The following MUL1 variants were observed in gnomAD, a reference collection of about 807,000 sequenced individuals.
MUL1 encodes the protein mitochondrial E3 ubiquitin protein ligase 1.
In MUL1, 30 loss-of-function variants were observed where a neutral mutation model predicts 34.1. That is an observed-to-expected ratio of 0.88 (90% CI 0.66 to 1.19). The LOEUF (loss-of-function observed/expected upper bound fraction) is 1.19. MUL1 is among the 50% of genes most tolerant of loss of function. The probability of loss-of-function intolerance (pLI) is 0.00; values close to 1 mark genes in which losing one functional copy is unlikely to be tolerated. For missense variants in MUL1, 419 were observed against 450.5 expected, an observed-to-expected ratio of 0.93 and a Z score of 0.63; for synonymous variants, 191 against 187.8, an observed-to-expected ratio of 1.02 and a Z score of -0.14.
chr1:20,506,993 C>G (rs1488919390), intron 1 of MUL1, among the ~76,000 whole-genome samples: 3 of 151,608 alleles, frequency 2.0e-5, no homozygotes, highest in East Asian at 3.9e-4. Flanking sequence ...TTCGGAGAGC[C>G]GAGGCGGGGA....
chr1:20,502,672 T>C (rs1162540728), intron 2 of MUL1, among the ~76,000 whole-genome samples: 1 of 152,112 alleles, frequency 6.6e-6, no homozygotes, highest in African/African-American at 2.4e-5. Context: ...TAGCTGGGAT[T>C]ACGGGTATGT....
intron 1 of MUL1, 29 bp downstream of exon 1, chr1:20,507,876 G>A: frequency 6.3e-7 from 1 of 1,590,952 alleles, no homozygotes; most frequent in Non-Finnish European, 8.6e-7. Flanking sequence ...AGATGACCCG[G>A]CTGAGGCCAG....
Position 20,500,542 on chromosome 1 carries a change from G to T in MUL1, c.*148C>A. On this transcript the variant is annotated 3_prime_UTR_variant, in exon 4 of 4. Transcript: ENST00000264198. Reference sequence around the variant, plus strand: ...CAGCATCCTGCCATTGGAGGCATGGGTCTGGAGAGTTTCTACCCAATTCCT... The same window carrying T: ...CAGCATCCTGCCATTGGAGGCATGGTTCTGGAGAGTTTCTACCCAATTCCT... 2 of 1,070,848 alleles carry T rather than the reference G, an allele frequency of 1.9e-6. No individual in the cohort carries two copies. Among genetic ancestry groups the T allele is most frequent in the Non-Finnish European group, 2.7e-6 (2 of 750,966 alleles). 66.3% of individuals were successfully genotyped at this position (1,070,848 alleles called of 1,614,324 possible). A position where few individuals can be genotyped will look rare whatever the true frequency, so the allele number is the denominator to read the frequency against.
chr1:20,501,557 GCCT>G lies in MUL1; in HGVS notation c.330-141_330-139del. The G allele has an allele frequency of 6.1e-6, 6 of 987,108 alleles. No individual in the cohort carries two copies. Among genetic ancestry groups the G allele is most frequent in the Non-Finnish European group, 8.8e-6 (6 of 685,616 alleles). 61.1% of individuals were successfully genotyped at this position (987,108 alleles called of 1,614,324 possible). ...GACAGTAAGATCACTATCTCCAGTTGCCTCCTAACAAGGAGGCTCCATTTGTAG... is the reference window on the plus strand; with the variant it reads ...GACAGTAAGATCACTATCTCCAGTTGCCTAACAAGGAGGCTCCATTTGTAG... On this transcript the variant is annotated intron_variant, in intron 3 of 3. Coordinates refer to ENST00000264198, the MANE Select transcript of MUL1 (RefSeq NM_024544.3). The surrounding 1 kb of genome is among the most constrained non-coding windows in gnomAD (Gnocchi z 4.2).
chr1:20,506,646 T>C (rs1343574314), intron 1 of MUL1, among the ~76,000 whole-genome samples: 2 of 151,760 alleles, frequency 1.3e-5, no homozygotes, highest in South Asian at 2.1e-4. Context: ...AGTCAGGAGT[T>C]GGAGACCAGC....
rs2051737004 is a variant in MUL1 at position 20,508,110 on chromosome 1, G to T, written c.-86C>A. On this transcript the variant is annotated 5_prime_UTR_variant, in exon 1 of 4. Transcript: ENST00000264198. ...TCTCCACCTCCTTCCGACCAGGACC[G>T]CACCCCCCCGGCCTAACCTGACCGG... The T allele has an allele frequency of 6.6e-7, 1 of 1,506,784 alleles. No homozygotes were observed. The highest frequency in any genetic ancestry group is 1.4e-5 in the African/African-American group (1 of 72,722). 93.3% of individuals were successfully genotyped at this position (1,506,784 alleles called of 1,614,324 possible).
At position 20,501,416 on chromosome 1, in the gene MUL1, A is replaced by G; in HGVS notation, c.333T>C (p.Asn111=). Reference sequence around the variant, plus strand: ...TCTGATGAATGATCTTTGAGCAATCATTCCTAGAAGAATAAGAGAACTAAA... The same window carrying G: ...TCTGATGAATGATCTTTGAGCAATCGTTCCTAGAAGAATAAGAGAACTAAA... ...MVWNRTTHLW[N]DCSKIIHQRT... The change falls in exon 4 of 4, where the codon AAT becomes AAC. Residue 111 remains asparagine (N), a synonymous_variant. Coordinates refer to ENST00000264198, the MANE Select transcript of MUL1 (RefSeq NM_024544.3). This position sits in a 1 kb window ranked among gnomAD's most constrained non-coding sequence, Gnocchi z 4.2. The G allele has an allele frequency of 4.3e-6, 7 of 1,611,482 alleles. No homozygotes were observed. Among genetic ancestry groups the G allele is most frequent in the Non-Finnish European group, 5.1e-6 (6 of 1,178,286 alleles).
At chr1:20,504,196 T>C (rs1283382248) in intron 1 of MUL1, among the ~76,000 whole-genome samples, 1 of 152,128 alleles carries the variant, frequency 6.6e-6, no homozygotes, top group African/African-American at 2.4e-5. Flanking sequence ...TTTTTCATGC[T>C]CATAATTAAG....
rs771201026 is a variant in MUL1 at position 20,500,937 on chromosome 1, C to T, written c.812G>A (p.Arg271His). 2.8e-5 allele frequency: 45 copies of T among 1,613,870 alleles called. No homozygotes were observed. The highest frequency in any genetic ancestry group is 1.1e-4 in the East Asian group (5 of 44,878). Residue 271 changes from arginine to histidine, a missense_variant, in exon 4 of 4, where the codon CGC (arginine) becomes CAC (histidine). By Grantham distance (29) the Arg-to-His change is conservative. Transcript: ENST00000264198. Reference sequence around the variant, plus strand: ...GAACTCCTCCTGCATCTGCTTGAGGCGCAGGCGCTCCTGCCGCTGCAGATA... The same window carrying T: ...GAACTCCTCCTGCATCTGCTTGAGGTGCAGGCGCTCCTGCCGCTGCAGATA... ...KQYLQRQERLRLKQMQEEFQE... is the reference protein window; with the variant it reads ...KQYLQRQERLHLKQMQEEFQE...
intron 1 of MUL1, among the ~76,000 whole-genome samples, chr1:20,506,531 G>A (rs1466988300): frequency 6.6e-6 from 1 of 152,172 alleles, no homozygotes; most frequent in Admixed American, 6.5e-5. Flanking sequence ...CAATGTGGTG[G>A]TAACTGTCAT....
intron 1 of MUL1, among the ~76,000 whole-genome samples, chr1:20,504,146 G>A (rs1296349150): frequency 1.3e-5 from 2 of 151,890 alleles, no homozygotes; most frequent in Non-Finnish European, 2.9e-5. Flanking sequence ...CTGGGATTAC[G>A]GGTGTGAGCC....
At chr1:20,504,428 T>C (rs371930477) in intron 1 of MUL1, among the ~76,000 whole-genome samples, 1 of 152,246 alleles carries the variant, frequency 6.6e-6, no homozygotes. Flanking sequence ...GGACCATCTC[T>C]GCTTTCAGGG....
intron 2 of MUL1, among the ~76,000 whole-genome samples, chr1:20,502,734 A>T (rs2051676102): frequency 6.6e-6 from 1 of 152,084 alleles, no homozygotes; most frequent in Non-Finnish European, 1.5e-5. Context: ...GGGTTTCATC[A>T]TGTCGACCAG....
chr1:20,500,585 A>T lies in MUL1; in HGVS notation c.*105T>A. ...CAATTCCTCCCTCAATCATACCTGG[A>T]GGTGACAGCTACCCCCACCACTGCT... is the stretch of plus-strand genomic sequence containing the variant. On this transcript the variant is annotated 3_prime_UTR_variant, in exon 4 of 4. Transcript: ENST00000264198. 1 of 1,393,410 alleles carries T rather than the reference A, an allele frequency of 7.2e-7. No homozygotes were observed. The highest frequency in any genetic ancestry group is 9.7e-7 in the Non-Finnish European group (1 of 1,034,212). 86.3% of individuals were successfully genotyped at this position (1,393,410 alleles called of 1,614,324 possible). A position where few individuals can be genotyped will look rare whatever the true frequency, so the allele number is the denominator to read the frequency against.
rs1356330086 is a variant in MUL1, at chr1:20,506,944, T to C, written c.120+961A>G. Among the ~76,000 whole-genome samples, 2 of 150,548 alleles carry C rather than the reference T, an allele frequency of 1.3e-5. 1 individual carries two copies. The highest frequency in any genetic ancestry group is 3.0e-5 in the Non-Finnish European group (2 of 67,634). Reference sequence around the variant, plus strand: ...AAAAAATAAAATCAAGATGAAAATGTGGCTGGGCGCAGTGGCTCACGCCTT... The same window carrying C: ...AAAAAATAAAATCAAGATGAAAATGCGGCTGGGCGCAGTGGCTCACGCCTT... On this transcript the variant is annotated intron_variant, in intron 1 of 3. Transcript: ENST00000264198.
At position 20,508,019 on chromosome 1, in the gene MUL1, C is replaced by A. The variant is rs371575755; in HGVS notation, c.6G>T (p.Glu2Asp). Residue 2 changes from glutamate (E) to aspartate (D), a missense_variant, in exon 1 of 4, where the codon GAG becomes GAT. By Grantham distance (45) the Glu-to-Asp change is conservative (BLOSUM62 2). Transcript: ENST00000264198. M[E>D]SGGRPSLCQF... The stretch of plus-strand genomic sequence containing the variant: ...GGCACAGCGAGGGCCGCCCTCCGCT[C>A]TCCATGACGGCGGCGAGCCCCGGTG... 3.0e-5 allele frequency: 48 copies of A among 1,583,872 alleles called. No homozygotes were observed. The highest frequency in any genetic ancestry group is 3.3e-5 in the Non-Finnish European group (39 of 1,166,672).
chr1:20,501,188 C>G lies in MUL1; in HGVS notation c.561G>C (p.Glu187Asp). 1 of 1,614,026 alleles carries G rather than the reference C, an allele frequency of 6.2e-7. No individual in the cohort carries two copies. The highest frequency in any genetic ancestry group is 8.5e-7 in the Non-Finnish European group (1 of 1,179,894). ...TGAGGGTGGCCCCCACCTTCAGCAT[C>G]TCCTCGGTCTCTTGGATGCCTTTGG... Reference protein sequence around the residue: ...ERPKGIQETEEMLKVGATLTG... With the variant: ...ERPKGIQETEDMLKVGATLTG... Residue 187 changes from glutamate (E) to aspartate (D), a missense_variant, in exon 4 of 4, where the codon GAG becomes GAC. Coordinates refer to ENST00000264198, the MANE Select transcript of MUL1 (RefSeq NM_024544.3). This position sits in a 1 kb window ranked among gnomAD's most constrained non-coding sequence, Gnocchi z 4.2.
chr1:20,506,910 T>C lies in MUL1; in HGVS notation c.120+995A>G, dbSNP rs568618504. 5.4e-5 allele frequency among the ~76,000 whole-genome samples: 8 copies of C among 148,548 alleles called. No individual in the cohort carries two copies. In the South Asian group the frequency reaches 1.5e-3, roughly 28 times the overall value. Reference sequence around the variant, plus strand: ...AGAGGAAAGAAAGGAAAAAAAATTATTGTTAAGAAAAAAATAAAATCAAGA... The same window carrying C: ...AGAGGAAAGAAAGGAAAAAAAATTACTGTTAAGAAAAAAATAAAATCAAGA... On this transcript the variant is annotated intron_variant, in intron 1 of 3. Transcript: ENST00000264198.
chr1:20,500,813 G>A lies in MUL1; in HGVS notation c.936C>T (p.Cys312=), dbSNP rs371575054. The change falls in exon 4 of 4, where the codon TGC becomes TGT. Residue 312 remains cysteine (C), a synonymous_variant. Coordinates refer to ENST00000264198, the MANE Select transcript of MUL1 (RefSeq NM_024544.3). The part of the protein sequence containing the change: ...CVVCLSSFKS[C]VFLECGHVCS... Reference sequence around the variant, plus strand: ...AAACGTGCCCACACTCCAGAAAGACGCAGGACTTGAAGCTGCTCAGACACA... The same window carrying A: ...AAACGTGCCCACACTCCAGAAAGACACAGGACTTGAAGCTGCTCAGACACA... 5.2e-5 allele frequency: 84 copies of A among 1,614,138 alleles called. No homozygotes were observed. In the Middle Eastern group the frequency reaches 6.6e-4, roughly 13 times the overall value.
Sources: allele counts gnomAD v4.1 joint callset (sites outside exome capture counted in the v4.1 genomes callset), GRCh38; gene constraint gnomAD v4.1.1; non-coding constraint Gnocchi (gnomAD v3.1); transcripts MANE v1.5; gene names NCBI Gene and HGNC (gene_info 2026-07-23, HGNC 2026-07-21).